Variants in COG5 observed in about 807,000 individuals in gnomAD.
The protein encoded by COG5 is component of oligomeric golgi complex 5.
COG5 carries 86 observed loss-of-function variants against 110.4 expected under a neutral mutation model. That is an observed-to-expected ratio of 0.78 (90% CI 0.65 to 0.93). The LOEUF (loss-of-function observed/expected upper bound fraction) is 0.93, where lower values mean the gene tolerates loss of function less well. Ranked by LOEUF, COG5 falls within the 40% of genes least tolerant of loss-of-function variation. The pLI, the probability that COG5 is intolerant of heterozygous loss-of-function variation, is 0.00. For synonymous variants in COG5, 360 were observed against 334.6 expected (o/e 1.08, Z -0.83); for missense variants, 1,077 against 987.0 (o/e 1.09, Z -1.22).
At chr7:107,417,077 G>A (rs1479698806) in intron 6 of COG5, among the ~76,000 whole-genome samples, 1 of 152,098 alleles carries the variant, frequency 6.6e-6, no homozygotes, top group African/African-American at 2.4e-5. Context: ...ATATTTATGT[G>A]AGAAAGTGCA....
chr7:107,329,522 CTATAT>C (rs774990982), intron 10 of COG5, among the ~76,000 whole-genome samples: 2 of 151,890 alleles, frequency 1.3e-5, no homozygotes, highest in South Asian at 2.1e-4. Flanking sequence ...ATATACTATA[CTATAT>C]AATAGTAAAT....
chr7:107,206,221 A>G (rs1221752215), intron 21 of COG5, among the ~76,000 whole-genome samples: 2 of 152,146 alleles, frequency 1.3e-5, no homozygotes, highest in East Asian at 3.9e-4. Context: ...TGGGCTTCCC[A>G]AAGTGCTGGG....
intron 14 of COG5, among the ~76,000 whole-genome samples, chr7:107,269,978 T>C (rs899681816): frequency 6.6e-6 from 1 of 152,184 alleles, no homozygotes; most frequent in South Asian, 2.1e-4. Flanking sequence ...TCCACGCTTA[T>C]AAGCAAGAGG....
chr7:107,276,810 T>C (rs1804736964), intron 14 of COG5, among the ~76,000 whole-genome samples: 1 of 152,258 alleles, frequency 6.6e-6, no homozygotes, highest in South Asian at 2.1e-4. Flanking sequence ...CCTATAGGTA[T>C]ATGTGTATTT....
intron 10 of COG5, among the ~76,000 whole-genome samples, chr7:107,346,079 T>C (rs903837284): frequency 6.6e-6 from 1 of 152,194 alleles, no homozygotes; most frequent in African/African-American, 2.4e-5. Context: ...TGTAAACTAA[T>C]TGATGCTGTA....
chr7:107,268,612 G>A (rs1803993181), intron 14 of COG5, among the ~76,000 whole-genome samples: 1 of 152,102 alleles, frequency 6.6e-6, no homozygotes, highest in Non-Finnish European at 1.5e-5. Flanking sequence ...TTTTGATAGT[G>A]GATTTGTCCA....
At chr7:107,402,617 A>T (rs1426607267) in intron 7 of COG5, among the ~76,000 whole-genome samples, 2 of 152,184 alleles carry the variant, frequency 1.3e-5, no homozygotes, top group Non-Finnish European at 2.9e-5. Flanking sequence ...AAAAATAAAT[A>T]AACAAATAAT....
At chr7:107,471,811 A>G (rs1479324494) in intron 6 of COG5, 1 of 151,914 alleles carries the variant, frequency 6.6e-6, no homozygotes, top group Non-Finnish European at 1.5e-5. Flanking sequence ...TGACTAATGG[A>G]TTTTTCTATC....
chr7:107,202,789 T>TTTTG lies in COG5; in HGVS notation c.*723_*726dup, dbSNP rs1296909622. On this transcript the variant is annotated 3_prime_UTR_variant, in exon 22 of 22. Coordinates refer to ENST00000297135, the MANE Select transcript of COG5 (RefSeq NM_006348.5). ...AAAATTTTTATTTTTCACGTGGCAT[T>TTTTG]TTTGTTACACGGTTAAACAGCCCAA... is the stretch of plus-strand genomic sequence containing the variant. 1 of 152,168 alleles carries TTTTG rather than the reference T, an allele frequency of 6.6e-6. No homozygotes were observed. The highest frequency in any genetic ancestry group is 1.5e-5 in the Non-Finnish European group (1 of 68,036). The allele number at this position is 152,168 out of a possible 1,614,324, so 9.4% of individuals were successfully genotyped here.
Position 107,465,118 on chromosome 7 carries a change from G to A in COG5, c.539-52486C>T, listed in dbSNP as rs1471002735. On this transcript the variant is annotated intron_variant, in intron 6 of 21. Transcript: ENST00000297135. ...ACTCCCATTCAACCTAATACCAGAGGTCCTAGGCAGTACAAGAAGGCAAGA... is the reference window on the plus strand; with the variant it reads ...ACTCCCATTCAACCTAATACCAGAGATCCTAGGCAGTACAAGAAGGCAAGA... Among the ~76,000 whole-genome samples, 4 of 152,130 alleles carry A rather than the reference G, an allele frequency of 2.6e-5. No individual in the cohort carries two copies. The East Asian group carries it at 7.7e-4, about 29-fold the overall frequency.
chr7:107,461,525 T>C (rs994557391), intron 6 of COG5, among the ~76,000 whole-genome samples: 4 of 152,156 alleles, frequency 2.6e-5, no homozygotes, highest in African/African-American at 9.7e-5. Flanking sequence ...AAAGCAGTTA[T>C]GTCTGCTCTC....
chr7:107,286,596 A>T (rs1805651824), intron 12 of COG5, among the ~76,000 whole-genome samples: 1 of 152,252 alleles, frequency 6.6e-6, no homozygotes, highest in Non-Finnish European at 1.5e-5. Context: ...TGAAGGTCAA[A>T]GTAATAACCT....
chr7:107,269,519 A>G (rs1054848079), intron 14 of COG5, among the ~76,000 whole-genome samples: 2 of 152,010 alleles, frequency 1.3e-5, no homozygotes, highest in African/African-American at 2.4e-5. Context: ...GAATATATCT[A>G]TGGCTTTACA....
At chr7:107,362,175 T>A (rs1415248012) in intron 9 of COG5, 65 bp from the exon 10 acceptor site, 32 of 1,376,242 alleles carry the variant, frequency 2.3e-5, no homozygotes, top group Non-Finnish European at 3.3e-5. Context: ...TGGCAACCTT[T>A]ACGTACATTA....
chr7:107,454,775 A>C lies in COG5; in HGVS notation c.539-42143T>G, dbSNP rs114833360. 8.8e-3 allele frequency among the ~76,000 whole-genome samples: 1,347 copies of C among 152,252 alleles called. 19 individuals are homozygous for C. The highest frequency in any genetic ancestry group is 0.028 in the African/African-American group (1,180 of 41,558). On this transcript the variant is annotated intron_variant, in intron 6 of 21. Transcript: ENST00000297135. ...AAGCTCAGAAAAGACATGGGTTGGC[A>C]GATTTGTGAGGTGATGCCTGCAACA...
intron 10 of COG5, among the ~76,000 whole-genome samples, chr7:107,349,519 G>A (rs1476966344): frequency 1.3e-5 from 2 of 149,724 alleles, no homozygotes; most frequent in African/African-American, 2.5e-5. Context: ...TCCTGCCTCG[G>A]CCTCCAGAGT....
chr7:107,345,041 T>C (rs1246559405), intron 10 of COG5, among the ~76,000 whole-genome samples: 1 of 152,128 alleles, frequency 6.6e-6, no homozygotes, highest in Non-Finnish European at 1.5e-5. Flanking sequence ...CTTGAACACT[T>C]AGAGGTCACT....
At chr7:107,229,936 T>C (rs1800660431) in intron 19 of COG5, among the ~76,000 whole-genome samples, 1 of 150,190 alleles carries the variant, frequency 6.7e-6, no homozygotes, top group South Asian at 2.1e-4. Context: ...CTGCAACCTC[T>C]GACTCCCTGG....
intron 7 of COG5, among the ~76,000 whole-genome samples, chr7:107,411,908 T>C (rs1042770173): frequency 2.6e-5 from 4 of 151,740 alleles, no homozygotes; most frequent in African/African-American, 4.8e-5. Context: ...TAATTCTAAG[T>C]TGTTGAATCT....
Sources: allele counts gnomAD v4.1 joint callset (sites outside exome capture counted in the v4.1 genomes callset), GRCh38; gene constraint gnomAD v4.1.1; transcripts MANE v1.5; gene names NCBI Gene and HGNC (gene_info 2026-07-23, HGNC 2026-07-21).